Variants in KAZN observed in about 807,000 individuals in gnomAD.
KAZN encodes the protein kazrin, periplakin interacting protein.
KAZN carries 40 observed loss-of-function variants against 87.4 expected under a neutral mutation model. The ratio of observed to expected loss-of-function variants is 0.46; its 90% CI spans 0.36 to 0.60. The LOEUF (loss-of-function observed/expected upper bound fraction) is 0.60, where lower values mean the gene tolerates loss of function less well. Among genes scored for constraint, KAZN ranks in the 20% least tolerant of loss-of-function variants. The pLI is 0.00. For missense variants in KAZN, 898 were observed against 1,073.9 expected (o/e 0.84, Z 2.29); for synonymous variants, 466 against 458.3 (o/e 1.02, Z -0.22).
chr1:14,951,625 C>T (rs938250546), intron 1 of KAZN, among the ~76,000 whole-genome samples: 4 of 151,324 alleles, frequency 2.6e-5, no homozygotes, highest in South Asian at 2.1e-4. Flanking sequence ...TACAGGTGGC[C>T]GCTACCACAC....
chr1:14,524,580 T>G (rs1285667959), intron 2 of KAZN, among the ~76,000 whole-genome samples: 1 of 152,166 alleles, frequency 6.6e-6, no homozygotes, highest in Non-Finnish European at 1.5e-5. Context: ...TATTTTATGG[T>G]GATTAAGGTA....
intron 2 of KAZN, among the ~76,000 whole-genome samples, chr1:14,236,392 T>C (rs554300751): frequency 5.3e-5 from 8 of 152,232 alleles, no homozygotes; most frequent in Middle Eastern, 3.4e-3. Context: ...TCTTGTGCAG[T>C]AGGATTGACT....
intron 1 of KAZN, among the ~76,000 whole-genome samples, chr1:14,675,175 A>G (rs1640143027): frequency 6.6e-6 from 1 of 152,198 alleles, no homozygotes; most frequent in Admixed American, 6.5e-5. Context: ...GGCTGCCTGG[A>G]GCAAGAGCCA....
At chr1:13,894,539 G>A (rs146908621) in intron 1 of KAZN, among the ~76,000 whole-genome samples, 39 of 152,262 alleles carry the variant, frequency 2.6e-4, no homozygotes, top group African/African-American at 8.2e-4. Context: ...CTTTTTTGGC[G>A]TTAATTCTCA....
At chr1:14,913,946 A>G (rs1004020953) in intron 1 of KAZN, among the ~76,000 whole-genome samples, 1 of 152,156 alleles carries the variant, frequency 6.6e-6, no homozygotes, top group Non-Finnish European at 1.5e-5. Flanking sequence ...TTCAGGATGG[A>G]GGAGGGGATG....
At chr1:14,105,510 G>A (rs1041239013) in intron 1 of KAZN, among the ~76,000 whole-genome samples, 9 of 152,114 alleles carry the variant, frequency 5.9e-5, no homozygotes, top group African/African-American at 2.2e-4. Context: ...TGTGCCTCTG[G>A]GTTCTGCCCA....
intron 2 of KAZN, among the ~76,000 whole-genome samples, chr1:14,480,652 A>AT (rs1402762322): frequency 1.4e-5 from 2 of 143,964 alleles, no homozygotes; most frequent in African/African-American, 2.5e-5. Context: ...TATAATATAT[A>AT]ATATTTATTT....
At chr1:14,399,339 A>C (rs1663182331) in intron 2 of KAZN, among the ~76,000 whole-genome samples, 1 of 152,128 alleles carries the variant, frequency 6.6e-6, no homozygotes, top group Non-Finnish European at 1.5e-5. Context: ...GATAACAGCT[A>C]ATTTGTTGAT....
intron 2 of KAZN, among the ~76,000 whole-genome samples, chr1:14,420,472 C>T (rs1442914485): frequency 2.6e-5 from 4 of 152,204 alleles, no homozygotes; most frequent in African/African-American, 9.6e-5. Flanking sequence ...GCCCGCAAGT[C>T]CCGCACCATG....
At chr1:15,082,366 C>G (rs1218935200) in intron 8 of KAZN, among the ~76,000 whole-genome samples, 1 of 152,194 alleles carries the variant, frequency 6.6e-6, no homozygotes, top group Non-Finnish European at 1.5e-5. Flanking sequence ...CATTTGACCC[C>G]AGGGATGCAG....
chr1:14,937,990 A>C (rs1289254144), intron 1 of KAZN, among the ~76,000 whole-genome samples: 1 of 152,196 alleles, frequency 6.6e-6, no homozygotes, highest in East Asian at 1.9e-4. Context: ...AGGGCGTTTT[A>C]GCCTTCCTTG....
chr1:14,594,792 C>A (rs1306673709), upstream of KAZN, among the ~76,000 whole-genome samples: 1 of 152,186 alleles, frequency 6.6e-6, no homozygotes, highest in Non-Finnish European at 1.5e-5. Context: ...CCTATCAGCC[C>A]CCATAGACAG....
intron 6 of KAZN, 125 bp from the exon 7 acceptor site, chr1:15,063,446 CA>C: frequency 2.5e-6 from 2 of 788,660 alleles, no homozygotes; most frequent in South Asian, 1.5e-5. Context: ...CTCCCCACTG[CA>C]GAGGCAGGGT....
intron 1 of KAZN, among the ~76,000 whole-genome samples, chr1:14,706,364 T>C (rs953948571): frequency 6.6e-6 from 1 of 152,146 alleles, no homozygotes; most frequent in African/African-American, 2.4e-5. Flanking sequence ...CTGTCTTCCA[T>C]GAAACCAGTT....
intron 2 of KAZN, among the ~76,000 whole-genome samples, chr1:14,231,703 GA>G (rs1647867065): frequency 6.6e-6 from 1 of 152,344 alleles, no homozygotes; most frequent in Non-Finnish European, 1.5e-5. Context: ...TTAGGACTCA[GA>G]AACTCACTTT....
intron 1 of KAZN, among the ~76,000 whole-genome samples, chr1:14,166,976 A>G (rs1400889259): frequency 1.3e-5 from 2 of 152,256 alleles, no homozygotes; most frequent in Non-Finnish European, 2.9e-5. Flanking sequence ...TGTATGAAGA[A>G]CTGAAGGGCC....
intron 4 of KAZN, among the ~76,000 whole-genome samples, chr1:15,046,200 A>G (rs1249502299): frequency 1.3e-5 from 2 of 150,492 alleles, no homozygotes; most frequent in Non-Finnish European, 2.9e-5. Context: ...CGGGAGGCTG[A>G]GACAGGAGAA....
At chr1:14,713,182 C>T (rs549231667) in intron 1 of KAZN, among the ~76,000 whole-genome samples, 35 of 152,314 alleles carry the variant, frequency 2.3e-4, no homozygotes, top group Admixed American at 8.5e-4. Context: ...ATTACGCTAG[C>T]ACAGGCTTGT....
chr1:14,124,839 A>G (rs2101713263), intron 1 of KAZN, among the ~76,000 whole-genome samples: 1 of 152,308 alleles, frequency 6.6e-6, no homozygotes, highest in South Asian at 2.1e-4. Flanking sequence ...TGGTTTGGAA[A>G]GAGACAAAAT....
Sources: gnomAD v4.1 joint callset for allele counts (sites outside exome capture counted in the v4.1 genomes callset) on GRCh38, gnomAD v4.1.1 for gene constraint, MANE v1.5 for transcripts, NCBI Gene and HGNC (gene_info 2026-07-23, HGNC 2026-07-21) for gene names.